Variants in UNC13C observed in about 807,000 individuals in gnomAD.
UNC13C encodes the protein protein unc-13 homolog C.
Under a neutral mutation model 245.4 loss-of-function variants are expected in UNC13C, and 174 were observed. The ratio of observed to expected loss-of-function variants is 0.71; its 90% confidence interval spans 0.63 to 0.80. The LOEUF (loss-of-function observed/expected upper bound fraction) is 0.80, where lower values mean the gene tolerates loss of function less well. Ranked by LOEUF, UNC13C falls within the 30% of genes least tolerant of loss-of-function variation. The pLI, the probability that UNC13C is intolerant of heterozygous loss-of-function variation, is 0.00. For missense variants in UNC13C, 2,829 were observed against 2,602.9 expected, an observed-to-expected ratio of 1.09 and a Z score of -1.89; for synonymous variants, 992 against 895.1, an observed-to-expected ratio of 1.11 and a Z score of -1.93.
At chr15:54,492,530 A>T (rs1020719904) in intron 19 of UNC13C, among the ~76,000 whole-genome samples, 2 of 152,198 alleles carry the variant, frequency 1.3e-5, no homozygotes, top group Non-Finnish European at 1.5e-5. Context: ...CATAATATGA[A>T]TTATTTAATA....
chr15:53,898,195 A>ACC, the UNC13C span, among the ~76,000 whole-genome samples: 23,703 of 131,854 alleles, frequency 0.18, 2,276 homozygotes, highest in East Asian at 0.3. Context: ...TGACCACCAC[A>ACC]ACCACCACCA....
At position 54,235,086 on chromosome 15, in the gene UNC13C, CTT is replaced by C. The variant is rs1368399666; in HGVS notation, c.3130_3131del (p.Leu1044AlafsTer24). The C allele has an allele frequency of 6.2e-7, 1 of 1,613,750 alleles. No individual in the cohort carries two copies. Among genetic ancestry groups the C allele is most frequent in the East Asian group, 2.2e-5 (1 of 44,856 alleles). ...ATGCCGGATCTTCGCAGAAAAAAAA[CTT>C]TGCCTATTGTCCGAGATGTGGTAAG... On this transcript the variant is annotated frameshift_variant, in exon 5 of 33. Coordinates refer to ENST00000260323, the MANE Select transcript of UNC13C (RefSeq NM_001080534.3). LOFTEE classifies it high-confidence loss of function.
At chr15:54,064,216 G>A (rs979369029) in intron 2 of UNC13C, among the ~76,000 whole-genome samples, 1 of 152,018 alleles carries the variant, frequency 6.6e-6, no homozygotes, top group Non-Finnish European at 1.5e-5. Context: ...AGGTCATATG[G>A]CTACCTAGTG....
intron 30 of UNC13C, among the ~76,000 whole-genome samples, chr15:54,569,788 T>C (rs1282943965): frequency 6.6e-6 from 1 of 152,184 alleles, no homozygotes; most frequent in Non-Finnish European, 1.5e-5. Flanking sequence ...CTGTTTTTTT[T>C]CTGAGTATTC....
At chr15:53,859,513 C>T in the UNC13C span, among the ~76,000 whole-genome samples, 1 of 151,946 alleles carries the variant, frequency 6.6e-6, no homozygotes, top group Non-Finnish European at 1.5e-5. Flanking sequence ...AATTCTTTAT[C>T]ATTATTTTAT....
At chr15:54,186,842 T>TATAC (rs1201006554) in intron 4 of UNC13C, among the ~76,000 whole-genome samples, 1 of 116,602 alleles carries the variant, frequency 8.6e-6, no homozygotes, top group East Asian at 2.5e-4. Context: ...ACATAATATA[T>TATAC]ATGTATATAT....
intron 4 of UNC13C, among the ~76,000 whole-genome samples, chr15:54,201,445 A>G (rs950270779): frequency 6.6e-6 from 1 of 152,062 alleles, no homozygotes; most frequent in Non-Finnish European, 1.5e-5. Context: ...ATCTAACAGC[A>G]TATCAAAAAG....
intron 4 of UNC13C, among the ~76,000 whole-genome samples, chr15:54,232,338 A>C (rs960223465): frequency 2.6e-5 from 4 of 152,126 alleles, no homozygotes; most frequent in African/African-American, 9.7e-5. Flanking sequence ...TTTTGGATAC[A>C]TGTCTGCTCA....
At chr15:54,159,246 C>T (rs527453515) in intron 4 of UNC13C, among the ~76,000 whole-genome samples, 77 of 152,290 alleles carry the variant, frequency 5.1e-4, no homozygotes, top group African/African-American at 1.7e-3. Context: ...TCAATAATTT[C>T]GAAGTTTCAC....
intron 2 of UNC13C, chr15:54,048,987 A>C: frequency 8.1e-6 from 3 of 369,810 alleles, no homozygotes; most frequent in South Asian, 7.3e-5. Flanking sequence ...CAAAGTATGC[A>C]CCATTGTTCC....
At chr15:54,566,394 G>C (rs115666968) in intron 29 of UNC13C, among the ~76,000 whole-genome samples, 10 of 152,128 alleles carry the variant, frequency 6.6e-5, no homozygotes, top group African/African-American at 2.2e-4. Context: ...TTCTTTATAA[G>C]ATCCAGGTGT....
At chr15:54,237,774 T>C in intron 7 of UNC13C, 84 bp downstream of exon 7, 2 of 1,148,490 alleles carry the variant, frequency 1.7e-6, no homozygotes, top group Non-Finnish European at 2.5e-6. Context: ...GAGCTACTCA[T>C]CTGTGATGTT....
At chr15:54,167,285 G>A (rs1442976456) in intron 4 of UNC13C, among the ~76,000 whole-genome samples, 1 of 151,922 alleles carries the variant, frequency 6.6e-6, no homozygotes, top group East Asian at 1.9e-4. Flanking sequence ...GGCGGATCAC[G>A]AGGTCAGGAG....
At chr15:54,080,006 GT>G (rs3985784) in intron 2 of UNC13C, among the ~76,000 whole-genome samples, 7,209 of 129,890 alleles carry the variant, frequency 0.056, 443 homozygotes, top group East Asian at 0.14. Flanking sequence ...TTGTCGAGCG[GT>G]TTTTTTTTTT....
intron 30 of UNC13C, among the ~76,000 whole-genome samples, chr15:54,573,178 G>A (rs370402661): frequency 2.4e-4 from 37 of 152,106 alleles, no homozygotes; most frequent in East Asian, 5.8e-4. Flanking sequence ...TATCTTGCTC[G>A]TTTATTCTTT....
chr15:53,942,062 C>T, the UNC13C span, among the ~76,000 whole-genome samples: 1 of 152,024 alleles, frequency 6.6e-6, no homozygotes, highest in Non-Finnish European at 1.5e-5. Context: ...GGATATATAC[C>T]CAAAGGAACA....
At chr15:54,090,425 T>A (rs1899502178) in intron 2 of UNC13C, among the ~76,000 whole-genome samples, 1 of 152,218 alleles carries the variant, frequency 6.6e-6, no homozygotes, top group African/African-American at 2.4e-5. Flanking sequence ...ATCATGCTAC[T>A]AAATACTTAG....
the UNC13C span, among the ~76,000 whole-genome samples, chr15:53,934,644 T>G: frequency 4.8e-4 from 73 of 152,326 alleles, 1 homozygote; most frequent in Non-Finnish European, 8.2e-4. Context: ...CTGTTCATGC[T>G]GCTATATCAG....
intron 4 of UNC13C, among the ~76,000 whole-genome samples, chr15:54,181,654 C>T (rs1203293243): frequency 6.6e-6 from 1 of 151,560 alleles, no homozygotes; most frequent in African/African-American, 2.4e-5. Flanking sequence ...CCACTTTAAT[C>T]ATATTGATTC....
Sources: gnomAD v4.1 joint callset for allele counts (sites outside exome capture counted in the v4.1 genomes callset) on GRCh38, gnomAD v4.1.1 for gene constraint, MANE v1.5 for transcripts, NCBI Gene and HGNC (gene_info 2026-07-23, HGNC 2026-07-21) for gene names.